ATP13A3: variants seen among roughly 807,000 people sequenced by gnomAD.
ATP13A3 encodes ATPase 13A3, also known as polyamine-transporting ATPase 13A3.
A neutral mutation model predicts 158.1 loss-of-function variants in ATP13A3; 59 were observed. That is an observed-to-expected ratio of 0.37 (90% CI 0.30 to 0.46). ATP13A3 has a LOEUF of 0.46. Ranked by LOEUF, ATP13A3 falls within the 20% of genes least tolerant of loss-of-function variation. The pLI is 1.00. For missense variants in ATP13A3, 1,166 were observed against 1,525.2 expected (o/e 0.76, Z 3.92); for synonymous variants, 491 against 504.3 (o/e 0.97, Z 0.35).
intron 2 of ATP13A3, among the ~76,000 whole-genome samples, chr3:194,474,111 G>T (rs890745711): frequency 6.6e-6 from 1 of 152,004 alleles, no homozygotes; most frequent in Admixed American, 6.6e-5. Context: ...TCCTTTGGGG[G>T]GTGACAGTGG....
At chr3:194,449,997 G>A (rs576964678) in intron 11 of ATP13A3, 148 bp downstream of exon 11, 443 of 774,798 alleles carry the variant, frequency 5.7e-4, no homozygotes, top group Non-Finnish European at 7.9e-4. Context: ...TGCAGAATTC[G>A]GTCTACTCAG....
chr3:194,438,172 T>A (rs564697467), intron 17 of ATP13A3, among the ~76,000 whole-genome samples: 2 of 152,010 alleles, frequency 1.3e-5, no homozygotes, highest in African/African-American at 2.4e-5. Context: ...AAAATAATAA[T>A]AAACTCTGGA....
intron 26 of ATP13A3, 25 bp from the exon 27 acceptor site, chr3:194,429,799 C>T (rs1461999171): frequency 6.3e-7 from 1 of 1,591,712 alleles, no homozygotes. Context: ...CAAATGTCGG[C>T]ATATGAATAG....
chr3:194,444,844 CAAAAAT>C (rs1718291559), intron 14 of ATP13A3, 58 bp from the exon 15 acceptor site: 4 of 1,387,678 alleles, frequency 2.9e-6, no homozygotes, highest in Admixed American at 4.7e-5. Flanking sequence ...AAAAAAAACC[CAAAAAT>C]AAAAATAAAA....
Position 194,405,934 on chromosome 3 carries a change from G to T in ATP13A3, c.3756C>A (p.Ile1252=), listed in dbSNP as rs751942921. The T allele has an allele frequency of 4.3e-6, 7 of 1,614,026 alleles. 1 individual carries two copies. In the South Asian group the frequency reaches 7.7e-5, roughly 18 times the overall value. ...ALVKENGSCQ[I]ITIT ...TGATTCACTGCTATGTTATGGTGAT[G>T]ATTTGACATGATCCATTCTCCTTAA... is the stretch of plus-strand genomic sequence containing the variant. The change falls in exon 34 of 34, where the codon ATC becomes ATA. Residue 1252 remains isoleucine (I), a synonymous_variant. Coordinates refer to ENST00000645319, the MANE Select transcript of ATP13A3 (RefSeq NM_001367549.1).
intron 19 of ATP13A3, 29 bp downstream of exon 19, chr3:194,437,282 T>C (rs774944870): frequency 1.1e-5 from 17 of 1,613,984 alleles, no homozygotes; most frequent in East Asian, 8.9e-5. Context: ...AATACCAGAA[T>C]TGTACCCAAA....
At position 194,431,179 on chromosome 3, in the gene ATP13A3, C is replaced by A; in HGVS notation, c.2469G>T (p.Met823Ile). 1 of 1,613,594 alleles carries A rather than the reference C, an allele frequency of 6.2e-7. No individual in the cohort carries two copies. The highest frequency in any genetic ancestry group is 1.1e-5 in the South Asian group (1 of 91,048). ...LVHDSLEDLQ[M>I]TRYHFAMNGK... ...CATTCATTGCAAAATGATAACGAGT[C>A]ATTTGAAGATCCTCTAAGCTATCAT... The change falls in exon 23 of 34, where the codon ATG (methionine) becomes ATT (isoleucine). Residue 823 changes from methionine (M) to isoleucine (I), a missense_variant. Around this residue, in one of 3 missense-constraint regions of ATP13A3, gnomAD observed 997 missense variants for 1,341.2 expected, o/e 0.74. Coordinates refer to ENST00000645319, the MANE Select transcript of ATP13A3 (RefSeq NM_001367549.1).
At chr3:194,473,312 C>G (rs1447821431) in intron 2 of ATP13A3, among the ~76,000 whole-genome samples, 3 of 152,044 alleles carry the variant, frequency 2.0e-5, no homozygotes, top group Non-Finnish European at 4.4e-5. Context: ...AGAGAGACAG[C>G]TATATTAATA....
intron 2 of ATP13A3, among the ~76,000 whole-genome samples, chr3:194,492,124 C>G (rs1375819173): frequency 6.6e-6 from 1 of 152,136 alleles, no homozygotes; most frequent in African/African-American, 2.4e-5. Flanking sequence ...ACCACTTCCC[C>G]CTCCACTGGC....
intron 4 of ATP13A3, 121 bp from the exon 5 acceptor site, chr3:194,460,092 G>C: frequency 1.3e-6 from 1 of 759,048 alleles, no homozygotes; most frequent in South Asian, 2.3e-5. Context: ...GAAACATCAC[G>C]CCTACTCACT....
At chr3:194,442,601 C>A (rs1166536571) in intron 15 of ATP13A3, among the ~76,000 whole-genome samples, 2 of 151,978 alleles carry the variant, frequency 1.3e-5, no homozygotes, top group Non-Finnish European at 2.9e-5. Context: ...ACCAAGTAAA[C>A]CATGTGTTGT....
Position 194,453,661 on chromosome 3 carries a change from A to C in ATP13A3, c.838+45T>G, listed in dbSNP as rs368318002. 253 of 1,479,788 alleles carry C rather than the reference A, an allele frequency of 1.7e-4. 1 individual carries two copies. The highest frequency in any genetic ancestry group is 2.1e-4 in the Non-Finnish European group (218 of 1,060,642). 91.7% of individuals were successfully genotyped at this position (1,479,788 alleles called of 1,614,324 possible). On this transcript the variant is annotated intron_variant, in intron 10 of 33. Transcript: ENST00000645319. ...GGGCTTACTTCACACATTATGCCTA[A>C]CAGGTATCTTTTTTGATTTATTCTT...
upstream of ATP13A3, among the ~76,000 whole-genome samples, chr3:194,489,073 G>A (rs138066673): frequency 2.6e-3 from 393 of 152,360 alleles, no homozygotes; most frequent in Non-Finnish European, 4.2e-3. The surrounding 1 kb of genome is among the most constrained non-coding windows in gnomAD (Gnocchi z 4.1). Flanking sequence ...TTGGGAATGA[G>A]TGAGTCATTC....
intron 3 of ATP13A3, 61 bp from the exon 4 acceptor site, chr3:194,460,892 A>C: frequency 6.6e-6 from 10 of 1,513,868 alleles, no homozygotes; most frequent in South Asian, 1.2e-5. Flanking sequence ...TGGCAGAGAA[A>C]CACATTCCAA....
rs373449990 is a variant in ATP13A3, at chr3:194,437,324, A to G, written c.1986T>C (p.Cys662=). 48 of 1,614,220 alleles carry G rather than the reference A, an allele frequency of 3.0e-5. No individual in the cohort carries two copies. The highest frequency in any genetic ancestry group is 2.7e-4 in the East Asian group (12 of 44,882). ...ATATTTCCTTACCTGTTTCAGGTTT[A>G]CAGAGACCGGCAATGGCCTCGGGCG... The part of the protein sequence containing the change: ...KGAPEAIAGL[C]KPETVPVDFQ... Residue 662 remains cysteine (C), a synonymous_variant, in exon 19 of 34, where the codon TGT becomes TGC. Transcript: ENST00000645319.
rs543364484 is a variant in ATP13A3 at position 194,412,659 on chromosome 3, A to G, written c.3484-371T>C. 12 of 208,722 alleles carry G rather than the reference A, an allele frequency of 5.7e-5. No individual in the cohort carries two copies. In the South Asian group the frequency reaches 9.8e-4, roughly 17 times the overall value. The allele number at this position is 208,722 out of a possible 1,614,324, so 12.9% of individuals were successfully genotyped here. On this transcript the variant is annotated intron_variant, in intron 32 of 33. Transcript: ENST00000645319. ...CTATCTATAGATATATAATTTCATC[A>G]GCATCCAACACAAACCATTCTTTAG...
chr3:194,481,499 T>G (rs945894101), intron 2 of ATP13A3, among the ~76,000 whole-genome samples: 6 of 152,044 alleles, frequency 3.9e-5, no homozygotes, highest in African/African-American at 1.4e-4. Flanking sequence ...CCATAAAGGA[T>G]CCTTTATGCT....
chr3:194,421,745 A>C (rs945028802), intron 30 of ATP13A3, among the ~76,000 whole-genome samples: 2 of 151,942 alleles, frequency 1.3e-5, no homozygotes, highest in African/African-American at 4.8e-5. Flanking sequence ...GTATATAAAA[A>C]CAGAAAAGAA....
chr3:194,453,103 A>G (rs1386348916), intron 10 of ATP13A3: 8 of 152,054 alleles, frequency 5.3e-5, no homozygotes, highest in African/African-American at 1.7e-4. Flanking sequence ...TCTTGAGCCC[A>G]GGAATTCAAG....
Sources: gnomAD v4.1 joint callset for allele counts (sites outside exome capture counted in the v4.1 genomes callset) on GRCh38, gnomAD v4.1.1 for gene constraint, gnomAD v4.1.1 regional missense constraint, Gnocchi (gnomAD v3.1) non-coding constraint, MANE v1.5 for transcripts, NCBI Gene and HGNC (gene_info 2026-07-23, HGNC 2026-07-21) for gene names.